The following JAML variants were observed in gnomAD, a reference collection of about 807,000 sequenced individuals.
The protein encoded by JAML is junctional adhesion molecule-like.
JAML carries 25 observed loss-of-function variants against 39.3 expected under a neutral mutation model. That is an observed-to-expected ratio of 0.64 (90% CI 0.46 to 0.89). JAML has a LOEUF of 0.89. JAML is among the 40% of genes least tolerant of loss of function. The pLI, the probability that JAML is intolerant of heterozygous loss-of-function variation, is 0.00. For missense variants in JAML, 440 were observed against 486.9 expected, an observed-to-expected ratio of 0.90 and a Z score of 0.91; for synonymous variants, 162 against 179.2, an observed-to-expected ratio of 0.90 and a Z score of 0.77.
At chr11:118,211,123 TC>T (rs1949050231) in intron 3 of JAML, among the ~76,000 whole-genome samples, 1 of 152,192 alleles carries the variant, frequency 6.6e-6, no homozygotes, top group Non-Finnish European at 1.5e-5. Context: ...GCGTAAGAAT[TC>T]CAGGCATGGC....
intron 2 of JAML, chr11:118,213,052 T>C (rs1949093424): frequency 6.3e-7 from 1 of 1,593,150 alleles, no homozygotes; most frequent in African/African-American, 1.4e-5. Flanking sequence ...ATTCTGGCTG[T>C]AGGGCAGGTC....
At chr11:118,205,760 C>T in intron 5 of JAML, 122 bp downstream of exon 5, 1 of 817,538 alleles carries the variant, frequency 1.2e-6, no homozygotes, top group Non-Finnish European at 2.0e-6. Context: ...GGAGAAGGTC[C>T]AGTTCTGATA....
At position 118,196,728 on chromosome 11, in the gene JAML, T is replaced by C; in HGVS notation, c.1092+7A>G. On this transcript the variant is annotated splice_region_variant and intron_variant, in intron 9 of 9. Transcript: ENST00000356289. ...CCTGGCTCAGCTGAGGCCAGAATCA[T>C]TCTCACCATGGTCATGTAGGTGGCC... The C allele has an allele frequency of 1.2e-6, 2 of 1,604,924 alleles. No homozygotes were observed.
chr11:118,200,022 T>G (rs1413683869), intron 7 of JAML, among the ~76,000 whole-genome samples: 1 of 152,156 alleles, frequency 6.6e-6, no homozygotes, highest in Non-Finnish European at 1.5e-5. Context: ...AATAATTCAT[T>G]TAGAACCTGA....
intron 1 of JAML, among the ~76,000 whole-genome samples, chr11:118,215,104 T>C (rs1949122954): frequency 6.6e-6 from 1 of 151,980 alleles, no homozygotes; most frequent in Non-Finnish European, 1.5e-5. Context: ...AATAAGAAAA[T>C]ACCAGATGTC....
chr11:118,218,461 A>C (rs1949171856), intron 1 of JAML, among the ~76,000 whole-genome samples: 2 of 151,990 alleles, frequency 1.3e-5, no homozygotes, highest in Non-Finnish European at 2.9e-5. Flanking sequence ...TTATCTATTT[A>C]TTTGTGTGCT....
In JAML at chr11:118,225,009, A is replaced by G. The variant is rs779510876; in HGVS notation, c.-89T>C. The G allele has an allele frequency of 3.9e-5, 6 of 152,370 alleles. No homozygotes were observed. The highest frequency in any genetic ancestry group is 2.1e-4 in the South Asian group (1 of 4,820). 9.4% of individuals were successfully genotyped at this position (152,370 alleles called of 1,614,324 possible). On this transcript the variant is annotated 5_prime_UTR_variant, in exon 1 of 10. Transcript: ENST00000356289. ...CCCACAGCTGCAGTCCCCAAGCTCA[A>G]CTGAAAGACTGCTGCGAGCACTCTA... is the stretch of plus-strand genomic sequence containing the variant.
intron 8 of JAML, 79 bp downstream of exon 8, chr11:118,197,919 G>C (rs1402672742): frequency 2.3e-6 from 3 of 1,309,930 alleles, no homozygotes; most frequent in Middle Eastern, 3.7e-4. Flanking sequence ...CATACAATGG[G>C]TAAGATATGG....
chr11:118,209,372 C>G (rs540623809), intron 4 of JAML, among the ~76,000 whole-genome samples: 13 of 152,324 alleles, frequency 8.5e-5, no homozygotes, highest in African/African-American at 2.9e-4. Context: ...AGGTGGGAGC[C>G]TAGGGTCCTA....
chr11:118,222,828 C>T lies in JAML; in HGVS notation c.-21+2113G>A, dbSNP rs1949222990. Among the ~76,000 whole-genome samples, 1 of 152,128 alleles carries T rather than the reference C, an allele frequency of 6.6e-6. No individual in the cohort carries two copies. Among genetic ancestry groups the T allele is most frequent in the African/African-American group, 2.4e-5 (1 of 41,412 alleles). On this transcript the variant is annotated intron_variant, in intron 1 of 9. Transcript: ENST00000356289. The surrounding 1 kb of genome is among the most constrained non-coding windows in gnomAD (Gnocchi z 4.2). The stretch of plus-strand genomic sequence containing the variant: ...GTAATGGGACAGCTGGGCATGGTGG[C>T]TCACGCCTGTCATCCCAGAACTTTG...
rs189600045 is a variant in JAML at position 118,195,952 on chromosome 11, C to T, written c.1092+783G>A. 1.1e-4 allele frequency among the ~76,000 whole-genome samples: 17 copies of T among 152,222 alleles called. No individual in the cohort carries two copies. The East Asian group carries it at 3.3e-3, about 29-fold the overall frequency. ...GTTCAAGCAATTCTCCTGCCTCAGC[C>T]TCCCAAGTAGCTGGGATTACAGGTG... is the stretch of plus-strand genomic sequence containing the variant. On this transcript the variant is annotated intron_variant, in intron 9 of 9. Coordinates refer to ENST00000356289, the MANE Select transcript of JAML (RefSeq NM_001098526.2).
intron 4 of JAML, among the ~76,000 whole-genome samples, chr11:118,207,574 G>A (rs1948944119): frequency 6.6e-6 from 1 of 152,126 alleles, no homozygotes. Context: ...GAATTGAAGT[G>A]GTAGAATCAT....
At chr11:118,214,782 G>C (rs775818248) in intron 2 of JAML, 42 bp downstream of exon 2, 1 of 1,601,496 alleles carries the variant, frequency 6.2e-7, no homozygotes, top group Admixed American at 1.7e-5. Flanking sequence ...CAGAACTCAG[G>C]AGAAATCAAA....
At position 118,203,195 on chromosome 11, in the gene JAML, C is replaced by T; in HGVS notation, c.772+233G>A. 4 of 670,700 alleles carry T rather than the reference C, an allele frequency of 6.0e-6. No individual in the cohort carries two copies. In the East Asian group the frequency reaches 8.7e-5, roughly 15 times the overall value. 41.5% of individuals were successfully genotyped at this position (670,700 alleles called of 1,614,324 possible). A position where few individuals can be genotyped will look rare whatever the true frequency, so the allele number is the denominator to read the frequency against. On this transcript the variant is annotated intron_variant, in intron 6 of 9. Transcript: ENST00000356289. ...AGGATTGGTATTCACTAAATTAGCTCCCCTCCCCTTGGCCTAGCAGCAGGG... is the reference window on the plus strand; with the variant it reads ...AGGATTGGTATTCACTAAATTAGCTTCCCTCCCCTTGGCCTAGCAGCAGGG...
intron 3 of JAML, among the ~76,000 whole-genome samples, chr11:118,211,988 C>T (rs866090336): frequency 6.9e-6 from 1 of 145,760 alleles, no homozygotes; most frequent in Non-Finnish European, 1.5e-5. Flanking sequence ...TAGGTCAGAG[C>T]TCTCCTTTCT....
chr11:118,214,754 T>G, intron 2 of JAML, 70 bp downstream of exon 2: 1 of 1,477,474 alleles, frequency 6.8e-7, no homozygotes, highest in Non-Finnish European at 9.4e-7. Context: ...ATATGTAAAA[T>G]TGGCTTTTAA....
chr11:118,197,539 T>C (rs1260167532), intron 8 of JAML: 1 of 155,106 alleles, frequency 6.4e-6, no homozygotes, highest in Non-Finnish European at 1.4e-5. Flanking sequence ...ACTATTTCAT[T>C]TTAAGCATTA....
At chr11:118,220,603 C>T (rs565577007) in intron 1 of JAML, among the ~76,000 whole-genome samples, 2 of 152,274 alleles carry the variant, frequency 1.3e-5, no homozygotes, top group Non-Finnish European at 2.9e-5. Flanking sequence ...TTGGCCTCCT[C>T]GATCTTTTAT....
chr11:118,205,305 G>A (rs1052840821), intron 5 of JAML: 6 of 152,484 alleles, frequency 3.9e-5, no homozygotes, highest in African/African-American at 1.4e-4. Context: ...CATCATGGTT[G>A]AGAGCTACTG....
Sources: allele counts gnomAD v4.1 joint callset (sites outside exome capture counted in the v4.1 genomes callset), GRCh38; gene constraint gnomAD v4.1.1; non-coding constraint Gnocchi (gnomAD v3.1); transcripts MANE v1.5; gene names NCBI Gene and HGNC (gene_info 2026-07-23, HGNC 2026-07-21).